LIMA1: variants seen among roughly 807,000 people sequenced by gnomAD.
LIMA1 encodes LIM domain and actin-binding protein 1.
In LIMA1, 52 loss-of-function variants were observed where a neutral mutation model predicts 62.6. The ratio of observed to expected loss-of-function variants is 0.83; its 90% CI spans 0.67 to 1.05. The LOEUF (loss-of-function observed/expected upper bound fraction) is 1.05, where lower values mean the gene tolerates loss of function less well. Ranked by LOEUF, LIMA1 falls within the 50% of genes least tolerant of loss-of-function variation. LIMA1 has a pLI of 0.00. For synonymous variants in LIMA1, 302 were observed against 317.8 expected (o/e 0.95, Z 0.53); for missense variants, 780 against 902.2 (o/e 0.86, Z 1.74).
intron 2 of LIMA1, among the ~76,000 whole-genome samples, chr12:50,237,737 C>T (rs1941716444): frequency 6.6e-6 from 1 of 152,064 alleles, no homozygotes; most frequent in Admixed American, 6.6e-5. Context: ...GGCATAAAGA[C>T]AGATATACAG....
chr12:50,200,217 A>G (rs1030071544), intron 7 of LIMA1, among the ~76,000 whole-genome samples: 2 of 148,582 alleles, frequency 1.3e-5, no homozygotes, highest in Admixed American at 1.4e-4. Context: ...TATTTTATTT[A>G]TTTATTTTTG....
rs1940399572 is a variant in LIMA1 at position 50,178,203 on chromosome 12, T to A, written c.1275-134A>T. ...AAAAAGATCTTTAAAAGCCCTTCAGTGACCAGGAATTCCTTACCCCCATTT... is the reference window on the plus strand; with the variant it reads ...AAAAAGATCTTTAAAAGCCCTTCAGAGACCAGGAATTCCTTACCCCCATTT... On this transcript the variant is annotated intron_variant, in intron 10 of 10. Coordinates refer to ENST00000341247, the MANE Select transcript of LIMA1 (RefSeq NM_016357.5). 9.6e-6 allele frequency: 6 copies of A among 627,868 alleles called. No individual in the cohort carries two copies. The Admixed American group carries it at 1.5e-4, about 16-fold the overall frequency. 38.9% of individuals were successfully genotyped at this position (627,868 alleles called of 1,614,324 possible).
intron 6 of LIMA1, among the ~76,000 whole-genome samples, chr12:50,202,923 G>T (rs945325327): frequency 1.3e-5 from 2 of 151,772 alleles, no homozygotes; most frequent in African/African-American, 4.8e-5. Flanking sequence ...ATGCTTGAAG[G>T]ATACAAAAAT....
intron 7 of LIMA1, among the ~76,000 whole-genome samples, chr12:50,199,735 TAAGA>T (rs1941004876): frequency 6.6e-6 from 1 of 152,158 alleles, no homozygotes; most frequent in Non-Finnish European, 1.5e-5. Context: ...AGTGGAAGAG[TAAGA>T]TTTTCTTGCA....
At chr12:50,193,664 ATATTT>A (rs1442564619) in intron 8 of LIMA1, among the ~76,000 whole-genome samples, 5 of 61,758 alleles carry the variant, frequency 8.1e-5, no homozygotes, top group South Asian at 5.7e-4. Context: ...ATATATATAT[ATATTT>A]TTTTTTTTTT....
intron 5 of LIMA1, 34 bp from the exon 6 acceptor site, chr12:50,204,734 TTC>T: frequency 6.2e-7 from 1 of 1,606,942 alleles, no homozygotes; most frequent in Non-Finnish European, 8.5e-7. Flanking sequence ...TTTATTTTAT[TTC>T]TGAGATGGGG....
At chr12:50,245,060 A>G (rs1415902186) in intron 2 of LIMA1, among the ~76,000 whole-genome samples, 1 of 152,170 alleles carries the variant, frequency 6.6e-6, no homozygotes, top group Non-Finnish European at 1.5e-5. Flanking sequence ...TGATAGGTTG[A>G]GACGGGAGGC....
intron 4 of LIMA1, among the ~76,000 whole-genome samples, chr12:50,206,289 G>A (rs577964393): frequency 6.6e-6 from 1 of 152,158 alleles, no homozygotes; most frequent in East Asian, 1.9e-4. Flanking sequence ...GCTAAAGATG[G>A]CTTCCTAACC....
At chr12:50,245,687 A>C (rs1172937139) in intron 2 of LIMA1, among the ~76,000 whole-genome samples, 1 of 151,670 alleles carries the variant, frequency 6.6e-6, no homozygotes, top group Non-Finnish European at 1.5e-5. Context: ...CCTTACCCCA[A>C]ATGCTACAGC....
chr12:50,227,085 T>C (rs941251733), intron 3 of LIMA1, among the ~76,000 whole-genome samples: 3 of 151,916 alleles, frequency 2.0e-5, no homozygotes, highest in African/African-American at 4.8e-5. Context: ...AATACATAGA[T>C]AGATGTATAC....
intron 8 of LIMA1, 149 bp from the exon 9 acceptor site, chr12:50,192,710 C>G (rs1056888497): frequency 6.4e-6 from 4 of 628,358 alleles, no homozygotes; most frequent in Admixed American, 5.0e-5. Flanking sequence ...GAAGAATATT[C>G]GAACACTAAC....
chr12:50,246,231 C>CAAAAAA (rs923214910), intron 2 of LIMA1, among the ~76,000 whole-genome samples: 2 of 51,366 alleles, frequency 3.9e-5, no homozygotes, highest in Non-Finnish European at 4.1e-5. Context: ...GACTCCATCT[C>CAAAAAA]AAAAAAAAAA....
At chr12:50,230,813 G>A (rs1349529825) in intron 3 of LIMA1, among the ~76,000 whole-genome samples, 4 of 151,974 alleles carry the variant, frequency 2.6e-5, no homozygotes, top group African/African-American at 7.3e-5. Flanking sequence ...TCTTGACCTC[G>A]TGATCTGCCC....
In LIMA1 at chr12:50,270,233, C is replaced by CAA. The variant is rs60610107; in HGVS notation, c.-24+13185_-24+13186dup. On this transcript the variant is annotated intron_variant, in intron 1 of 10. Coordinates refer to ENST00000341247, the MANE Select transcript of LIMA1 (RefSeq NM_016357.5). ...CTGGGCAACAAGAGTGAAACTCTGT[C>CAA]AAAAAAAAAAAAAAAAAAAAAAAAA... is the stretch of plus-strand genomic sequence containing the variant. 9.6e-3 allele frequency among the ~76,000 whole-genome samples: 654 copies of CAA among 68,396 alleles called. 25 individuals carry two copies. Among genetic ancestry groups the CAA allele is most frequent in the African/African-American group, 0.037 (615 of 16,558 alleles). 44.9% of individuals were successfully genotyped at this position (68,396 alleles called of 152,430 possible).
At chr12:50,208,158 G>T (rs11169317) in intron 4 of LIMA1, among the ~76,000 whole-genome samples, 56,275 of 151,638 alleles carry the variant, frequency 0.37, 11,136 homozygotes, top group African/African-American at 0.5. Context: ...GACCAGCTTG[G>T]GCAGCATGGC....
At chr12:50,220,774 C>T (rs778525872) in intron 4 of LIMA1, among the ~76,000 whole-genome samples, 2 of 152,000 alleles carry the variant, frequency 1.3e-5, no homozygotes, top group Admixed American at 6.5e-5. Context: ...AAGGAGTTGG[C>T]AGGACTAAAG....
intron 4 of LIMA1, among the ~76,000 whole-genome samples, chr12:50,210,433 AAAG>A (rs1450824459): frequency 1.4e-5 from 2 of 145,028 alleles, no homozygotes; most frequent in Admixed American, 6.8e-5. Context: ...AAAAAAAAAA[AAAG>A]AAAAAAAGAA....
intron 2 of LIMA1, among the ~76,000 whole-genome samples, chr12:50,232,289 T>C (rs1297842680): frequency 2.0e-5 from 3 of 151,480 alleles, no homozygotes; most frequent in Non-Finnish European, 4.4e-5. Flanking sequence ...CTCAAACTCC[T>C]GAGCTAAAGT....
chr12:50,240,050 ACAT>A (rs1160235114), intron 2 of LIMA1, among the ~76,000 whole-genome samples: 1 of 149,204 alleles, frequency 6.7e-6, no homozygotes, highest in Non-Finnish European at 1.5e-5. Context: ...ACATAACATA[ACAT>A]AACATAAAAT....
Sources: gnomAD v4.1 joint callset for allele counts (sites outside exome capture counted in the v4.1 genomes callset) on GRCh38, gnomAD v4.1.1 for gene constraint, MANE v1.5 for transcripts, NCBI Gene and HGNC (gene_info 2026-07-23, HGNC 2026-07-21) for gene names.